SRGAP3: variants seen among roughly 807,000 people sequenced by gnomAD.
The protein encoded by SRGAP3 is SLIT-ROBO Rho GTPase activating protein 3, also known as SLIT-ROBO Rho GTPase-activating protein 3.
Under a neutral mutation model 121.1 loss-of-function variants are expected in SRGAP3, and 39 were observed. The observed-to-expected ratio is 0.32, with a 90% confidence interval of 0.25 to 0.42. The LOEUF (loss-of-function observed/expected upper bound fraction) is 0.42, where lower values mean the gene tolerates loss of function less well. Ranked by LOEUF, SRGAP3 falls within the 10% of genes least tolerant of loss-of-function variation. SRGAP3 has a pLI of 1.00. For missense variants in SRGAP3, 1,213 were observed against 1,470.6 expected (o/e 0.82, Z 2.86); for synonymous variants, 601 against 570.0 (o/e 1.05, Z -0.77).
intron 1 of SRGAP3, among the ~76,000 whole-genome samples, chr3:9,248,374 G>A (rs567759372): frequency 2.0e-4 from 31 of 152,148 alleles, no homozygotes; most frequent in Admixed American, 1.2e-3. Context: ...AAGAAGTGCC[G>A]CCCAGGGATG....
At chr3:9,212,520 T>C (rs1039225495) in intron 1 of SRGAP3, among the ~76,000 whole-genome samples, 8 of 126,644 alleles carry the variant, frequency 6.3e-5, no homozygotes, top group African/African-American at 1.1e-4. Flanking sequence ...AGGAGATCGA[T>C]ACCATCCTGG....
chr3:9,048,467 A>G (rs1945395598), intron 9 of SRGAP3, among the ~76,000 whole-genome samples: 1 of 152,214 alleles, frequency 6.6e-6, no homozygotes, highest in Non-Finnish European at 1.5e-5. Context: ...GGAGACAATA[A>G]ACGAACAAAA....
At chr3:9,283,343 G>C (rs1037241871) in intron 3 of SRGAP3, among the ~76,000 whole-genome samples, 1 of 152,144 alleles carries the variant, frequency 6.6e-6, no homozygotes, top group Non-Finnish European at 1.5e-5. Flanking sequence ...CATGTACTTT[G>C]AATGGATTTT....
chr3:9,130,870 G>A (rs1008931562), intron 1 of SRGAP3, among the ~76,000 whole-genome samples: 3 of 152,200 alleles, frequency 2.0e-5, no homozygotes, highest in Non-Finnish European at 4.4e-5. Flanking sequence ...AAATCACATC[G>A]TGATGACAGC....
chr3:9,195,829 G>A (rs755947446), intron 1 of SRGAP3, among the ~76,000 whole-genome samples: 11 of 151,894 alleles, frequency 7.2e-5, no homozygotes, highest in Non-Finnish European at 1.2e-4. Flanking sequence ...GCTGGTGTGC[G>A]CCTGCAGTCC....
At chr3:9,274,919 G>C (rs1241713373) in intron 3 of SRGAP3, among the ~76,000 whole-genome samples, 1 of 151,496 alleles carries the variant, frequency 6.6e-6, no homozygotes, top group Non-Finnish European at 1.5e-5. Flanking sequence ...CTGAGCCTGG[G>C]GATTTTATGG....
intron 3 of SRGAP3, among the ~76,000 whole-genome samples, chr3:9,266,533 C>A (rs1954371239): frequency 2.0e-5 from 3 of 152,154 alleles, no homozygotes; most frequent in African/African-American, 7.2e-5. Context: ...AATAAACATT[C>A]CTTATGTGAG....
At chr3:9,104,561 T>C (rs1948344704) in intron 3 of SRGAP3, 119 bp downstream of exon 3, 2 of 1,367,390 alleles carry the variant, frequency 1.5e-6, no homozygotes, top group Admixed American at 1.7e-5. Context: ...CATCCTTCAA[T>C]GCACCTGCCC....
At chr3:9,316,027 T>C (rs1255735836) in intron 3 of SRGAP3, among the ~76,000 whole-genome samples, 1 of 152,192 alleles carries the variant, frequency 6.6e-6, no homozygotes, top group Admixed American at 6.5e-5. Flanking sequence ...GTGCTTGGTT[T>C]TGTTGAATAT....
rs1948545071 is a variant in SRGAP3, at chr3:9,109,668, AGTG to A, written c.261-4829_261-4827del. Among the ~76,000 whole-genome samples, 1 of 152,178 alleles carries A rather than the reference AGTG, an allele frequency of 6.6e-6. No homozygotes were observed. The highest frequency in any genetic ancestry group is 1.5e-5 in the Non-Finnish European group (1 of 68,040). On this transcript the variant is annotated intron_variant, in intron 2 of 21. Coordinates refer to ENST00000383836, the MANE Select transcript of SRGAP3 (RefSeq NM_014850.4). The surrounding 1 kb of genome is among the most constrained non-coding windows in gnomAD (Gnocchi z 4.4). ...CAGAAAGTGATGAGGCAGCCTCATC[AGTG>A]CAGTCATGGGAAGGAGGCTATGGAG...
chr3:9,348,373 C>T (rs1333473225), intron 1 of SRGAP3: 4 of 493,258 alleles, frequency 8.1e-6, no homozygotes, highest in South Asian at 4.2e-5. Flanking sequence ...AGTAATCAAA[C>T]ATTTAAAAAG....
At chr3:9,258,823 CTCCCTGCTGG>C (rs1316816378) in intron 3 of SRGAP3, among the ~76,000 whole-genome samples, 1 of 152,204 alleles carries the variant, frequency 6.6e-6, no homozygotes, top group African/African-American at 2.4e-5. Context: ...AGCTTTAGAG[CTCCCTGCTGG>C]TCCCTCTGTC....
chr3:8,999,952 T>C (rs1034002941), intron 18 of SRGAP3, among the ~76,000 whole-genome samples: 1 of 152,200 alleles, frequency 6.6e-6, no homozygotes, highest in African/African-American at 2.4e-5. Context: ...GAAACATCTA[T>C]TCAAGAAAAT....
At chr3:8,988,385 A>G (rs574714080) in intron 21 of SRGAP3, among the ~76,000 whole-genome samples, 236 of 152,342 alleles carry the variant, frequency 1.5e-3, no homozygotes, top group Non-Finnish European at 2.7e-3. Flanking sequence ...AGGGCTCATC[A>G]GAGCCAATGC....
chr3:8,987,663 T>C (rs1941797435), intron 21 of SRGAP3, among the ~76,000 whole-genome samples: 1 of 152,242 alleles, frequency 6.6e-6, no homozygotes, highest in African/African-American at 2.4e-5. Flanking sequence ...TATGGATGTC[T>C]GGCTAATGGC....
At chr3:8,992,832 C>T in intron 20 of SRGAP3, 74 bp downstream of exon 20, 1 of 1,612,470 alleles carries the variant, frequency 6.2e-7, no homozygotes, top group Non-Finnish European at 8.5e-7. Context: ...CTCCTCTCTG[C>T]CCTTGTGCTT....
At chr3:9,102,641 G>A (rs111816893) in intron 3 of SRGAP3, among the ~76,000 whole-genome samples, 1,837 of 152,318 alleles carry the variant, frequency 0.012, 35 homozygotes, top group African/African-American at 0.042. Flanking sequence ...CTCCGTCCGC[G>A]CCTCTCTCCA....
At chr3:9,050,761 A>T (rs979309478) in intron 9 of SRGAP3, among the ~76,000 whole-genome samples, 1 of 152,196 alleles carries the variant, frequency 6.6e-6, no homozygotes, top group Non-Finnish European at 1.5e-5. Flanking sequence ...TTGTAACCAC[A>T]AATTCTCTTT....
At chr3:9,010,900 G>A (rs997686165) in intron 17 of SRGAP3, among the ~76,000 whole-genome samples, 2 of 152,196 alleles carry the variant, frequency 1.3e-5, no homozygotes, top group Admixed American at 6.5e-5. Context: ...AGAGTAGACT[G>A]GCAACCATGA....
Sources: allele counts gnomAD v4.1 joint callset (sites outside exome capture counted in the v4.1 genomes callset), GRCh38; gene constraint gnomAD v4.1.1; non-coding constraint Gnocchi (gnomAD v3.1); transcripts MANE v1.5; gene names NCBI Gene and HGNC (gene_info 2026-07-23, HGNC 2026-07-21).